Variants in AFG2A observed in about 807,000 individuals in gnomAD.
AFG2A encodes the protein ATPase family gene 2 protein homolog A.
At chr4:123,034,258 C>T in the AFG2A span, among the ~76,000 whole-genome samples, 1 of 151,984 alleles carries the variant, frequency 6.6e-6, no homozygotes. Flanking sequence ...TTGGTATTCA[C>T]AGTGGTCCTG....
chr4:122,963,187 A>G, the AFG2A span, among the ~76,000 whole-genome samples: 40 of 152,344 alleles, frequency 2.6e-4, no homozygotes, highest in African/African-American at 9.6e-4. Flanking sequence ...TCACAGGGAA[A>G]TGGAACAGTA....
chr4:123,174,399 C>G, the AFG2A span, among the ~76,000 whole-genome samples: 1 of 152,120 alleles, frequency 6.6e-6, no homozygotes, highest in Non-Finnish European at 1.5e-5. Flanking sequence ...CAATTCTCCC[C>G]AAATCCAATT....
At chr4:122,927,578 C>T in the AFG2A span, 15 of 1,535,060 alleles carry the variant, frequency 9.8e-6, no homozygotes, top group South Asian at 1.8e-4. Context: ...CAAAAGAAAG[C>T]ATGCCTTAAC....
chr4:123,028,149 G>A, the AFG2A span: 1 of 1,570,700 alleles, frequency 6.4e-7, no homozygotes, highest in Non-Finnish European at 8.7e-7. Flanking sequence ...TGTTTGTCCT[G>A]GCAAAACTTA....
chr4:122,931,860 A>G, the AFG2A span, among the ~76,000 whole-genome samples: 1 of 152,194 alleles, frequency 6.6e-6, no homozygotes, highest in Non-Finnish European at 1.5e-5. Flanking sequence ...AATGACCACA[A>G]ATGCTCTGTG....
chr4:123,245,341 T>TTCAC, the AFG2A span, among the ~76,000 whole-genome samples: 2 of 152,226 alleles, frequency 1.3e-5, no homozygotes, highest in African/African-American at 4.8e-5. Flanking sequence ...AAGGAAGTTC[T>TTCAC]TCACTCCTAT....
At chr4:123,132,608 A>G in the AFG2A span, among the ~76,000 whole-genome samples, 1 of 148,878 alleles carries the variant, frequency 6.7e-6, no homozygotes, top group African/African-American at 2.5e-5. Context: ...ATATATATAT[A>G]TATATATGTG....
chr4:123,271,917 A>G, the AFG2A span, among the ~76,000 whole-genome samples: 1 of 151,318 alleles, frequency 6.6e-6, no homozygotes, highest in Non-Finnish European at 1.5e-5. Context: ...ACATTTTCTC[A>G]CTGGCACATG....
chr4:123,266,729 T>A, the AFG2A span, among the ~76,000 whole-genome samples: 1 of 151,994 alleles, frequency 6.6e-6, no homozygotes, highest in Admixed American at 6.6e-5. Flanking sequence ...GTAAAGCTAA[T>A]GTTTTTTTAT....
the AFG2A span, among the ~76,000 whole-genome samples, chr4:123,278,747 A>G: frequency 6.6e-6 from 1 of 151,984 alleles, no homozygotes; most frequent in Non-Finnish European, 1.5e-5. Context: ...TTTAATTTCC[A>G]TCTAATTGTA....
chr4:122,956,095 A>C, the AFG2A span, among the ~76,000 whole-genome samples: 1 of 152,216 alleles, frequency 6.6e-6, no homozygotes, highest in Admixed American at 6.5e-5. Context: ...AAGGCTCTGG[A>C]ATTTTTGCTG....
At chr4:123,023,762 C>T in the AFG2A span, among the ~76,000 whole-genome samples, 4 of 152,076 alleles carry the variant, frequency 2.6e-5, no homozygotes, top group Admixed American at 6.5e-5. Flanking sequence ...GCCTCCGAGC[C>T]GGTTAGGCTA....
At chr4:123,225,501 G>T in the AFG2A span, among the ~76,000 whole-genome samples, 1 of 152,284 alleles carries the variant, frequency 6.6e-6, no homozygotes, top group African/African-American at 2.4e-5. Context: ...TGTCAGGTTT[G>T]TCAAAGATCA....
chr4:123,150,193 C>T, the AFG2A span, among the ~76,000 whole-genome samples: 1 of 152,196 alleles, frequency 6.6e-6, no homozygotes, highest in African/African-American at 2.4e-5. Flanking sequence ...AAGCTGGAAG[C>T]ATTCCCTTTG....
the AFG2A span, among the ~76,000 whole-genome samples, chr4:123,181,871 T>C: frequency 3.6e-4 from 55 of 152,330 alleles, no homozygotes; most frequent in East Asian, 6.2e-3. Flanking sequence ...TGTTTTCTAA[T>C]TTTAGATACA....
At chr4:122,981,664 TTATTC>T in the AFG2A span, among the ~76,000 whole-genome samples, 4 of 152,184 alleles carry the variant, frequency 2.6e-5, no homozygotes, top group African/African-American at 9.6e-5. Flanking sequence ...ACATTAGACA[TTATTC>T]TATGTATTTG....
the AFG2A span, among the ~76,000 whole-genome samples, chr4:123,234,625 CTAAT>C: frequency 6.6e-6 from 1 of 152,098 alleles, no homozygotes; most frequent in African/African-American, 2.4e-5. Flanking sequence ...CTGTGATTCT[CTAAT>C]TATCTTCATA....
At chr4:123,073,172 T>TA in the AFG2A span, among the ~76,000 whole-genome samples, 13 of 123,084 alleles carry the variant, frequency 1.1e-4, no homozygotes, top group East Asian at 1.8e-3. Flanking sequence ...ATTCCTATTC[T>TA]TTTTTTTTTA....
chr4:123,239,050 C>T, the AFG2A span, among the ~76,000 whole-genome samples: 2 of 152,058 alleles, frequency 1.3e-5, no homozygotes, highest in Admixed American at 1.3e-4. Flanking sequence ...GCACAAACTT[C>T]AGTAGCCAAT....
Sources: allele counts gnomAD v4.1 joint callset (sites outside exome capture counted in the v4.1 genomes callset), GRCh38; gene constraint gnomAD v4.1.1; transcripts MANE v1.5; gene names NCBI Gene and HGNC (gene_info 2026-07-23, HGNC 2026-07-21).